CRK: variants seen among roughly 807,000 people sequenced by gnomAD.
CRK encodes the protein adapter molecule crk.
CRK carries 4 observed loss-of-function variants against 29.8 expected under a neutral mutation model. The ratio of observed to expected loss-of-function variants is 0.13; its 90% CI spans 0.07 to 0.31. CRK has a LOEUF of 0.31. Ranked by LOEUF, CRK falls within the 10% of genes least tolerant of loss-of-function variation. CRK has a pLI of 1.00. For missense variants in CRK, 274 were observed against 396.5 expected (o/e 0.69, Z 2.62); for synonymous variants, 153 against 164.9 (o/e 0.93, Z 0.55).
Position 1,436,664 on chromosome 17 carries a change from T to G in CRK, c.733A>C (p.Lys245Gln), listed in dbSNP as rs2073888861. 1.2e-6 allele frequency: 2 copies of G among 1,612,238 alleles called. No homozygotes were observed. Among genetic ancestry groups the G allele is most frequent in the East Asian group, 4.5e-5 (2 of 44,864 alleles). ...NGPIYARVIQ[K>Q]RVPNAYDKTA... ...TTGTCGTAGGCATTGGGGACTCGCT[T>G]CTGGATAACCCTGGCATATATGGGC... Residue 245 changes from lysine to glutamine, a missense_variant, in exon 2 of 3, where the codon AAG becomes CAG. Around this residue, in one of 3 missense-constraint regions of CRK, gnomAD observed 121 missense variants for 154.3 expected, o/e 0.78. Transcript: ENST00000300574.
At chr17:1,425,753 C>T (rs546850012) in intron 2 of CRK, among the ~76,000 whole-genome samples, 2 of 152,328 alleles carry the variant, frequency 1.3e-5, no homozygotes, top group Admixed American at 6.5e-5. Context: ...GAACAGCTTG[C>T]CTATTGGCCC....
chr17:1,445,768 T>C (rs2073970241), intron 1 of CRK, among the ~76,000 whole-genome samples: 1 of 152,134 alleles, frequency 6.6e-6, no homozygotes, highest in Non-Finnish European at 1.5e-5. Flanking sequence ...GGCAGAGTGG[T>C]AAGGAGGCCA....
At chr17:1,429,253 A>G (rs2073813834) in intron 2 of CRK, among the ~76,000 whole-genome samples, 1 of 151,726 alleles carries the variant, frequency 6.6e-6, no homozygotes, top group Non-Finnish European at 1.5e-5. Context: ...GCTACTTGGG[A>G]GACTGAGGGG....
At chr17:1,449,012 G>A (rs549005375) in intron 1 of CRK, among the ~76,000 whole-genome samples, 4 of 152,284 alleles carry the variant, frequency 2.6e-5, no homozygotes, top group Non-Finnish European at 1.5e-5. Context: ...CTGAGCAACA[G>A]GGCCATCAGC....
intron 1 of CRK, among the ~76,000 whole-genome samples, chr17:1,440,893 G>A (rs575113039): frequency 6.6e-6 from 1 of 152,316 alleles, no homozygotes; most frequent in South Asian, 2.1e-4. Context: ...AAAAGAGAGA[G>A]ACCTTGTCTC....
intron 1 of CRK, among the ~76,000 whole-genome samples, chr17:1,441,514 G>A (rs1189031069): frequency 1.3e-5 from 2 of 150,688 alleles, no homozygotes; most frequent in South Asian, 2.1e-4. Flanking sequence ...TTTTTGAGAT[G>A]GAGTCACATT....
intron 1 of CRK, among the ~76,000 whole-genome samples, chr17:1,438,335 G>A (rs756620175): frequency 1.8e-4 from 28 of 152,022 alleles, no homozygotes; most frequent in Admixed American, 4.6e-4. Context: ...TCACTATGTT[G>A]CCCAGGCTAG....
intron 1 of CRK, among the ~76,000 whole-genome samples, chr17:1,447,607 C>CT (rs34998406): frequency 0.31 from 37,046 of 117,800 alleles, 6,479 homozygotes; most frequent in South Asian, 0.38. Flanking sequence ...TTCTCTTTTC[C>CT]TTTTTTTTTT....
chr17:1,441,226 C>T (rs538312456), intron 1 of CRK, among the ~76,000 whole-genome samples: 2 of 152,278 alleles, frequency 1.3e-5, no homozygotes, highest in East Asian at 3.9e-4. Context: ...CCACGCCTGG[C>T]CTTGGCTTTG....
At chr17:1,440,205 A>G (rs947535433) in intron 1 of CRK, among the ~76,000 whole-genome samples, 5 of 151,888 alleles carry the variant, frequency 3.3e-5, no homozygotes, top group African/African-American at 1.2e-4. Flanking sequence ...AGGCTGAGGC[A>G]GGAGAATGGC....
chr17:1,455,661 C>G (rs1395448891), intron 1 of CRK, among the ~76,000 whole-genome samples: 1 of 151,782 alleles, frequency 6.6e-6, no homozygotes, highest in Non-Finnish European at 1.5e-5. Context: ...GCTGCCCTCC[C>G]CAGGCACACC....
chr17:1,449,178 C>T (rs774345290), intron 1 of CRK, among the ~76,000 whole-genome samples: 3 of 152,116 alleles, frequency 2.0e-5, no homozygotes, highest in Non-Finnish European at 4.4e-5. Context: ...CACCCACTAG[C>T]GCAACAGGTC....
Position 1,451,211 on chromosome 17 carries a change from A to G in CRK, c.241+4666T>C, listed in dbSNP as rs1055971086. Among the ~76,000 whole-genome samples the G allele has an allele frequency of 6.1e-5, 9 of 148,758 alleles. 1 individual carries two copies. The highest frequency in any genetic ancestry group is 1.7e-4 in the African/African-American group (7 of 40,674). On this transcript the variant is annotated intron_variant, in intron 1 of 2. Transcript: ENST00000300574. ...CTGTCTCAAAAAAAAAAAAAAAAAA[A>G]GCAATAACAATTTTAAAAAGCTTCT...
rs980617817 is a variant in CRK at position 1,421,970 on chromosome 17, T to C, written c.*1543A>G. ...TCATTTTTGGTCTCATAGGTCTATT[T>C]TGTGGAGCACCTGACCCCATATAAA... On this transcript the variant is annotated 3_prime_UTR_variant, in exon 3 of 3. Coordinates refer to ENST00000300574, the MANE Select transcript of CRK (RefSeq NM_016823.4). 11 of 152,114 alleles carry C rather than the reference T, an allele frequency of 7.2e-5. No individual in the cohort carries two copies. The highest frequency in any genetic ancestry group is 2.2e-4 in the African/African-American group (9 of 41,422). 9.4% of individuals were successfully genotyped at this position (152,114 alleles called of 1,614,324 possible).
chr17:1,429,525 C>A (rs1240229390), intron 2 of CRK, among the ~76,000 whole-genome samples: 1 of 151,120 alleles, frequency 6.6e-6, no homozygotes, highest in African/African-American at 2.4e-5. Context: ...TTGCCCAACT[C>A]GGCCTCCCAA....
chr17:1,424,212 G>A (rs555515597), intron 2 of CRK, among the ~76,000 whole-genome samples: 29 of 152,020 alleles, frequency 1.9e-4, no homozygotes, highest in Admixed American at 1.3e-3. Context: ...GACTACAGGC[G>A]CCTGCCACCG....
intron 2 of CRK, among the ~76,000 whole-genome samples, chr17:1,424,067 G>GTC (rs71373933): frequency 4.6e-5 from 5 of 109,828 alleles, no homozygotes; most frequent in Non-Finnish European, 8.9e-5. Flanking sequence ...AGCTTTCTCC[G>GTC]TTTTTTTTTT....
At chr17:1,430,044 GAT>G (rs1491520331) in intron 2 of CRK, among the ~76,000 whole-genome samples, 9 of 144,604 alleles carry the variant, frequency 6.2e-5, no homozygotes, top group Non-Finnish European at 1.1e-4. Context: ...TAACTCAAAT[GAT>G]TTTTTTTTTT....
At chr17:1,440,389 G>C (rs1409296320) in intron 1 of CRK, among the ~76,000 whole-genome samples, 2 of 152,134 alleles carry the variant, frequency 1.3e-5, no homozygotes, top group Middle Eastern at 3.4e-3. Flanking sequence ...CTTGAGCCTA[G>C]GAGTTTGTGA....
Sources: allele counts gnomAD v4.1 joint callset (sites outside exome capture counted in the v4.1 genomes callset), GRCh38; gene constraint gnomAD v4.1.1; regional missense constraint gnomAD v4.1.1; transcripts MANE v1.5; gene names NCBI Gene and HGNC (gene_info 2026-07-23, HGNC 2026-07-21).